MCTP1: variants seen among roughly 807,000 people sequenced by gnomAD.
MCTP1 encodes the protein multiple C2 and transmembrane domain-containing protein 1.
MCTP1 carries 69 observed loss-of-function variants against 120.6 expected under a neutral mutation model. The ratio of observed to expected loss-of-function variants is 0.57; its 90% CI spans 0.47 to 0.70. The LOEUF (loss-of-function observed/expected upper bound fraction) is 0.70, where lower values mean the gene tolerates loss of function less well. Among genes scored for constraint, MCTP1 ranks in the 30% least tolerant of loss-of-function variants. The pLI is 0.00. For missense variants in MCTP1, 1,203 were observed against 1,248.8 expected, an observed-to-expected ratio of 0.96 and a Z score of 0.55; for synonymous variants, 529 against 493.1, an observed-to-expected ratio of 1.07 and a Z score of -0.96.
intron 10 of MCTP1, among the ~76,000 whole-genome samples, chr5:94,905,065 C>T (rs780084755): frequency 4.6e-5 from 7 of 152,044 alleles, no homozygotes; most frequent in East Asian, 1.9e-4. Flanking sequence ...TTGGTATGGA[C>T]GCCTCCCTGA....
At chr5:95,121,147 G>A (rs927485716) in intron 1 of MCTP1, among the ~76,000 whole-genome samples, 7 of 151,624 alleles carry the variant, frequency 4.6e-5, no homozygotes, top group Admixed American at 2.0e-4. Context: ...GTGCGGTGGC[G>A]GGTGCCTGTA....
chr5:94,911,190 A>G (rs1001896492), intron 9 of MCTP1, among the ~76,000 whole-genome samples: 1 of 152,210 alleles, frequency 6.6e-6, no homozygotes, highest in Non-Finnish European at 1.5e-5. Context: ...AGATTATGAC[A>G]CTAAGGTGAA....
chr5:94,947,677 A>C (rs577998186), intron 3 of MCTP1, among the ~76,000 whole-genome samples: 1 of 148,398 alleles, frequency 6.7e-6, no homozygotes, highest in East Asian at 2.0e-4. Flanking sequence ...GTGCAGTGAC[A>C]TGATCAAGGT....
intron 1 of MCTP1, among the ~76,000 whole-genome samples, chr5:95,207,247 A>G (rs1751728268): frequency 1.3e-5 from 2 of 152,194 alleles, no homozygotes; most frequent in South Asian, 2.1e-4. Flanking sequence ...GATCTTAAAT[A>G]TAGAACATCT....
intron 1 of MCTP1, among the ~76,000 whole-genome samples, chr5:95,040,105 G>A (rs934578421): frequency 6.6e-6 from 1 of 152,000 alleles, no homozygotes; most frequent in Non-Finnish European, 1.5e-5. Flanking sequence ...GGCATGTGAG[G>A]TCCCCCCTGC....
chr5:95,130,367 G>A (rs558721707), intron 1 of MCTP1, among the ~76,000 whole-genome samples: 9 of 152,280 alleles, frequency 5.9e-5, no homozygotes, highest in South Asian at 4.1e-4. Context: ...CTGGTGCTTC[G>A]TTTCCACTGA....
At chr5:95,090,875 A>AT in intron 1 of MCTP1, among the ~76,000 whole-genome samples, 1 of 152,146 alleles carries the variant, frequency 6.6e-6, no homozygotes, top group South Asian at 2.1e-4. Flanking sequence ...TAACAAAGTC[A>AT]TTGAGCCCTC....
intron 1 of MCTP1, among the ~76,000 whole-genome samples, chr5:95,095,642 A>G (rs1756204188): frequency 1.3e-5 from 2 of 152,176 alleles, no homozygotes; most frequent in African/African-American, 4.8e-5. Context: ...TTTTAAGTTG[A>G]TTTCAGGAAC....
intron 1 of MCTP1, among the ~76,000 whole-genome samples, chr5:95,025,086 T>C (rs886131670): frequency 1.3e-5 from 2 of 152,104 alleles, no homozygotes; most frequent in Non-Finnish European, 1.5e-5. Flanking sequence ...TTGTATGAAG[T>C]CATAGACAAC....
At chr5:95,204,065 T>G (rs978492711) in intron 1 of MCTP1, among the ~76,000 whole-genome samples, 1 of 152,184 alleles carries the variant, frequency 6.6e-6, no homozygotes, top group Non-Finnish European at 1.5e-5. Flanking sequence ...CTAGAACAAG[T>G]TGAATGGAAT....
intron 2 of MCTP1, among the ~76,000 whole-genome samples, chr5:94,983,560 C>T (rs1376346256): frequency 1.3e-5 from 2 of 152,132 alleles, no homozygotes; most frequent in African/African-American, 4.8e-5. Flanking sequence ...AATCCTAACA[C>T]TTTGGGAGGC....
chr5:95,267,196 A>G (rs556218987), intron 1 of MCTP1, among the ~76,000 whole-genome samples: 5 of 152,356 alleles, frequency 3.3e-5, no homozygotes, highest in Admixed American at 3.3e-4. Flanking sequence ...GATTATGTTA[A>G]CAAACAATAC....
chr5:94,949,680 T>C (rs887256088), intron 3 of MCTP1, among the ~76,000 whole-genome samples: 2 of 152,126 alleles, frequency 1.3e-5, no homozygotes, highest in African/African-American at 4.8e-5. Flanking sequence ...AGAAATCAGA[T>C]TACAGGGTAC....
At chr5:95,006,667 A>C (rs548686170) in intron 2 of MCTP1, among the ~76,000 whole-genome samples, 4 of 152,218 alleles carry the variant, frequency 2.6e-5, no homozygotes, top group African/African-American at 9.6e-5. Context: ...TAAAGGCTGC[A>C]TAAATCAAAG....
intron 1 of MCTP1, among the ~76,000 whole-genome samples, chr5:95,154,969 G>A (rs1011683411): frequency 3.3e-5 from 5 of 152,154 alleles, no homozygotes; most frequent in Admixed American, 6.5e-5. Flanking sequence ...TTATGATGAA[G>A]AGCACGGTTT....
chr5:95,209,965 C>A (rs1447388373), intron 1 of MCTP1, among the ~76,000 whole-genome samples: 1 of 152,114 alleles, frequency 6.6e-6, no homozygotes, highest in Non-Finnish European at 1.5e-5. Flanking sequence ...GTTCAGTTTC[C>A]ATGTAGTTGA....
chr5:95,266,711 C>T lies in MCTP1; in HGVS notation c.720+17145G>A, dbSNP rs138376844. On this transcript the variant is annotated intron_variant, in intron 1 of 22. Transcript: ENST00000515393. ...GGCAGTAATGGTTGGATGCTTAAAG[C>T]AGTCCATGTTCATATTGGTCATTGT... is the stretch of plus-strand genomic sequence containing the variant. Among the ~76,000 whole-genome samples, 204 of 152,284 alleles carry T rather than the reference C, an allele frequency of 1.3e-3. 1 individual carries two copies. The highest frequency in any genetic ancestry group is 3.4e-3 in the Middle Eastern group (1 of 294).
At chr5:94,757,166 T>C (rs986209345) in intron 19 of MCTP1, among the ~76,000 whole-genome samples, 1 of 152,194 alleles carries the variant, frequency 6.6e-6, no homozygotes, top group African/African-American at 2.4e-5. Flanking sequence ...AATAATTCCA[T>C]GCACATGGGC....
intron 19 of MCTP1, among the ~76,000 whole-genome samples, chr5:94,722,635 G>A (rs944408452): frequency 1.4e-4 from 22 of 152,058 alleles, no homozygotes; most frequent in African/African-American, 5.3e-4. Context: ...GAAGTATTTG[G>A]ATTTGAGATA....
Sources: allele counts gnomAD v4.1 joint callset (sites outside exome capture counted in the v4.1 genomes callset), GRCh38; gene constraint gnomAD v4.1.1; transcripts MANE v1.5; gene names NCBI Gene and HGNC (gene_info 2026-07-23, HGNC 2026-07-21).